ANXA13: variants seen among roughly 807,000 people sequenced by gnomAD.
ANXA13 encodes annexin A13, also known as annexin XIII.
Under a neutral mutation model 46.6 loss-of-function variants are expected in ANXA13, and 36 were observed. The observed-to-expected ratio is 0.77, with a 90% CI of 0.59 to 1.02. The LOEUF is 1.02. Among genes scored for constraint, ANXA13 ranks in the 50% least tolerant of loss-of-function variants. The probability of loss-of-function intolerance (pLI) is 0.00; values close to 1 mark genes in which losing one functional copy is unlikely to be tolerated. For synonymous variants in ANXA13, 163 were observed against 152.9 expected (o/e 1.07, Z -0.49); for missense variants, 417 against 396.5 (o/e 1.05, Z -0.44).
chr8:123,705,591 G>A (rs549631456), intron 2 of ANXA13, among the ~76,000 whole-genome samples: 71 of 152,320 alleles, frequency 4.7e-4, no homozygotes, highest in African/African-American at 1.6e-3. Context: ...TTCTGAGCCC[G>A]ACACCTGGGC....
intron 3 of ANXA13, among the ~76,000 whole-genome samples, chr8:123,701,088 G>T (rs888313479): frequency 6.6e-6 from 1 of 152,158 alleles, no homozygotes; most frequent in Non-Finnish European, 1.5e-5. Context: ...GGGATTACAG[G>T]TGTGAGCCAC....
chr8:123,706,588 G>T (rs552821192), intron 2 of ANXA13, among the ~76,000 whole-genome samples: 19 of 152,212 alleles, frequency 1.2e-4, no homozygotes, highest in Middle Eastern at 3.4e-3. Flanking sequence ...CCACCCCATC[G>T]CTCAGCAGAA....
chr8:123,695,434 T>C (rs1813311400), intron 6 of ANXA13, 68 bp downstream of exon 6: 2 of 1,201,982 alleles, frequency 1.7e-6, no homozygotes, highest in Admixed American at 3.8e-5. Context: ...CCCTTTTTCA[T>C]CATGGTGCCA....
intron 3 of ANXA13, 108 bp downstream of exon 3, chr8:123,702,534 T>G (rs1381687402): frequency 1.2e-6 from 1 of 852,620 alleles, no homozygotes; most frequent in Admixed American, 2.2e-5. Context: ...CCTCCTGGGC[T>G]GACTCAATAA....
chr8:123,735,159 A>G (rs1447840620), intron 1 of ANXA13, among the ~76,000 whole-genome samples: 2 of 151,860 alleles, frequency 1.3e-5, no homozygotes, highest in East Asian at 3.9e-4. Flanking sequence ...CATTGGGACC[A>G]TTTCATGTTG....
chr8:123,737,119 G>A (rs1033823502), intron 1 of ANXA13, among the ~76,000 whole-genome samples: 24 of 151,556 alleles, frequency 1.6e-4, no homozygotes, highest in Non-Finnish European at 2.9e-4. Flanking sequence ...CTCTGGCCTT[G>A]CAAAGTGCTG....
chr8:123,704,439 T>C (rs1813504260), intron 2 of ANXA13, among the ~76,000 whole-genome samples: 1 of 151,866 alleles, frequency 6.6e-6, no homozygotes, highest in South Asian at 2.1e-4. Flanking sequence ...GGTCTGGCTA[T>C]GTCACCCAGG....
At chr8:123,682,038 C>T (rs934665720) in intron 10 of ANXA13, among the ~76,000 whole-genome samples, 3 of 152,162 alleles carry the variant, frequency 2.0e-5, no homozygotes, top group Non-Finnish European at 4.4e-5. Context: ...CTGTACACAA[C>T]CTGGCAGTGA....
Position 123,681,225 on chromosome 8 carries a change from T to A in ANXA13, c.*15A>T, listed in dbSNP as rs558469036. Reference sequence around the variant, plus strand: ...AAGGCGGTTCCACCCTGTGTTCCTATTGCCCTGGCTTGGCTCAGTGCAAGA... The same window carrying A: ...AAGGCGGTTCCACCCTGTGTTCCTAATGCCCTGGCTTGGCTCAGTGCAAGA... On this transcript the variant is annotated 3_prime_UTR_variant, in exon 11 of 11. Coordinates refer to ENST00000419625, the MANE Select transcript of ANXA13 (RefSeq NM_004306.4). 6.3e-7 allele frequency: 1 copy of A among 1,593,808 alleles called. No homozygotes were observed. The highest frequency in any genetic ancestry group is 1.8e-5 in the Admixed American group (1 of 55,764).
intron 3 of ANXA13, among the ~76,000 whole-genome samples, chr8:123,701,684 T>C (rs1217593259): frequency 1.3e-5 from 2 of 152,028 alleles, no homozygotes; most frequent in Non-Finnish European, 2.9e-5. Flanking sequence ...CACTGGGTCC[T>C]CCAGGAATGG....
At chr8:123,694,579 A>G (rs1813297041) in intron 6 of ANXA13, among the ~76,000 whole-genome samples, 1 of 152,184 alleles carries the variant, frequency 6.6e-6, no homozygotes. Context: ...CATCAAACAC[A>G]GACATAAGGA....
rs34135339 is a variant in ANXA13 at position 123,720,657 on chromosome 8, C to CGTGTGTGTGT, written c.16-7914_16-7905dup. Among the ~76,000 whole-genome samples, 792 of 141,508 alleles carry CGTGTGTGTGT rather than the reference C, an allele frequency of 5.6e-3. 7 individuals are homozygous for CGTGTGTGTGT. Among genetic ancestry groups the CGTGTGTGTGT allele is most frequent in the African/African-American group, 0.013 (482 of 37,982 alleles). The allele number at this position is 141,508 out of a possible 152,430, so 92.8% of individuals were successfully genotyped here. A position where few individuals can be genotyped will look rare whatever the true frequency, so the allele number is the denominator to read the frequency against. ...CAGCTATGAACGTTTCCTGTGTCCC[C>CGTGTGTGTGT]GTGTGTGTGTGTGTGTGTGTGTGTG... On this transcript the variant is annotated intron_variant, in intron 1 of 10. Coordinates refer to ENST00000419625, the MANE Select transcript of ANXA13 (RefSeq NM_004306.4).
chr8:123,700,465 A>G (rs1281492286), intron 3 of ANXA13, among the ~76,000 whole-genome samples: 1 of 152,184 alleles, frequency 6.6e-6, no homozygotes, highest in African/African-American at 2.4e-5. Context: ...CATACCTAAC[A>G]TCTTCTAGCT....
chr8:123,713,312 T>C (rs1344746065), intron 1 of ANXA13, among the ~76,000 whole-genome samples: 1 of 152,208 alleles, frequency 6.6e-6, no homozygotes, highest in East Asian at 1.9e-4. Flanking sequence ...AAAGTCCTGT[T>C]TATATAGTGT....
Position 123,681,065 on chromosome 8 carries a change from T to C in ANXA13, c.*175A>G. ...TTCAAGGTGCCCTGCCCACGCATCT[T>C]AACGTTACTGCCCTTAACTTACACA... is the stretch of plus-strand genomic sequence containing the variant. On this transcript the variant is annotated 3_prime_UTR_variant, in exon 11 of 11. Transcript: ENST00000419625. 1 of 805,004 alleles carries C rather than the reference T, an allele frequency of 1.2e-6. No homozygotes were observed. The highest frequency in any genetic ancestry group is 1.8e-6 in the Non-Finnish European group (1 of 541,846). 49.9% of individuals were successfully genotyped at this position (805,004 alleles called of 1,614,324 possible).
Position 123,702,564 on chromosome 8 carries a change from G to A in ANXA13, c.186+78C>T, listed in dbSNP as rs567420546. 38 of 1,114,866 alleles carry A rather than the reference G, an allele frequency of 3.4e-5. No homozygotes were observed. In the East Asian group the frequency reaches 3.5e-4, roughly 10 times the overall value. The allele number at this position is 1,114,866 out of a possible 1,614,324, so 69.1% of individuals were successfully genotyped here. A position where few individuals can be genotyped will look rare whatever the true frequency, so the allele number is the denominator to read the frequency against. On this transcript the variant is annotated intron_variant, in intron 3 of 10. Coordinates refer to ENST00000419625, the MANE Select transcript of ANXA13 (RefSeq NM_004306.4). ...CAATAAAGCTATAAAGATATTCTGCGTGGCCTGGGGACATGAGGAAGCCGA... is the reference window on the plus strand; with the variant it reads ...CAATAAAGCTATAAAGATATTCTGCATGGCCTGGGGACATGAGGAAGCCGA...
intron 10 of ANXA13, among the ~76,000 whole-genome samples, chr8:123,681,905 G>A (rs1344639235): frequency 3.9e-5 from 6 of 152,086 alleles, no homozygotes; most frequent in Non-Finnish European, 7.4e-5. Context: ...GATTACAGGC[G>A]TGAGCCACCG....
At chr8:123,705,652 C>T (rs1455852971) in intron 2 of ANXA13, among the ~76,000 whole-genome samples, 1 of 152,228 alleles carries the variant, frequency 6.6e-6, no homozygotes, top group South Asian at 2.1e-4. Flanking sequence ...GTGTCACTTA[C>T]TGCTGTCTTG....
intron 4 of ANXA13, among the ~76,000 whole-genome samples, 189 bp from the exon 5 acceptor site, chr8:123,695,910 C>A (rs1425887913): frequency 2.2e-5 from 3 of 138,048 alleles, no homozygotes; most frequent in Admixed American, 7.1e-5. Flanking sequence ...CGGCCCGCCC[C>A]CCCCCCACTC....
Sources: allele counts gnomAD v4.1 joint callset (sites outside exome capture counted in the v4.1 genomes callset), GRCh38; gene constraint gnomAD v4.1.1; transcripts MANE v1.5; gene names NCBI Gene and HGNC (gene_info 2026-07-23, HGNC 2026-07-21).